AKR1C8: variants seen among roughly 807,000 people sequenced by gnomAD.
AKR1C8 encodes the protein aldo-keto reductase family 1 member C-like protein 1.
the AKR1C8 span, among the ~76,000 whole-genome samples, chr10:5,116,254 T>C: frequency 2.0e-5 from 3 of 152,010 alleles, no homozygotes; most frequent in African/African-American, 7.3e-5. Context: ...GACTTAAAGG[T>C]AGGAGGAACC....
chr10:5,165,248 T>A, the AKR1C8 span, among the ~76,000 whole-genome samples: 1 of 152,166 alleles, frequency 6.6e-6, no homozygotes, highest in Admixed American at 6.5e-5. Context: ...AACAGTTTCT[T>A]TATGAAGCAA....
chr10:5,127,302 G>T, the AKR1C8 span, among the ~76,000 whole-genome samples: 1 of 152,114 alleles, frequency 6.6e-6, no homozygotes, highest in African/African-American at 2.4e-5. Context: ...TTCTGGAAAT[G>T]AAAGGCACAT....
At chr10:5,182,713 C>G in the AKR1C8 span, among the ~76,000 whole-genome samples, 1 of 151,994 alleles carries the variant, frequency 6.6e-6, no homozygotes, top group African/African-American at 2.4e-5. Context: ...AGTTCGAGAC[C>G]AGCCTGGGCA....
chr10:5,117,130 C>CT, the AKR1C8 span, among the ~76,000 whole-genome samples: 80 of 148,402 alleles, frequency 5.4e-4, no homozygotes, highest in South Asian at 3.7e-3. Context: ...TGGCAGTGAG[C>CT]TTTTTTTTTT....
the AKR1C8 span, among the ~76,000 whole-genome samples, chr10:5,146,456 A>T: frequency 6.6e-6 from 1 of 152,294 alleles, no homozygotes; most frequent in East Asian, 1.9e-4. Context: ...TAACAGATCA[A>T]GCAATGTATC....
chr10:5,140,036 A>T, the AKR1C8 span, among the ~76,000 whole-genome samples: 1 of 152,222 alleles, frequency 6.6e-6, no homozygotes, highest in Non-Finnish European at 1.5e-5. Context: ...GCAAACAGAC[A>T]CATGAAAAAA....
At chr10:5,123,387 C>T in the AKR1C8 span, 1 of 331,024 alleles carries the variant, frequency 3.0e-6, no homozygotes, top group Non-Finnish European at 6.0e-6. Context: ...TGCATTTTTG[C>T]CATGACACAA....
chr10:5,146,630 TG>T, the AKR1C8 span, among the ~76,000 whole-genome samples: 4 of 152,274 alleles, frequency 2.6e-5, no homozygotes, highest in African/African-American at 9.6e-5. Context: ...ACTCTATATA[TG>T]ATACTTTTGA....
chr10:5,147,160 G>A, the AKR1C8 span, among the ~76,000 whole-genome samples: 3 of 152,178 alleles, frequency 2.0e-5, no homozygotes, highest in Non-Finnish European at 4.4e-5. Flanking sequence ...AATAGAAGGC[G>A]AGTAAGGTGC....
chr10:5,118,304 A>G, the AKR1C8 span, among the ~76,000 whole-genome samples: 1 of 152,170 alleles, frequency 6.6e-6, no homozygotes, highest in African/African-American at 2.4e-5. Flanking sequence ...ATTAAACTTA[A>G]AGTTTCAAGG....
At chr10:5,140,167 G>A in the AKR1C8 span, among the ~76,000 whole-genome samples, 1 of 152,136 alleles carries the variant, frequency 6.6e-6, no homozygotes, top group Non-Finnish European at 1.5e-5. Flanking sequence ...GAGAGGATGT[G>A]GAGAAATAGG....
chr10:5,161,523 T>C, the AKR1C8 span, among the ~76,000 whole-genome samples: 3 of 152,138 alleles, frequency 2.0e-5, no homozygotes, highest in Non-Finnish European at 4.4e-5. Context: ...TAACTCAACA[T>C]TCTTGAAGAT....
At chr10:5,126,743 C>G in the AKR1C8 span, among the ~76,000 whole-genome samples, 1 of 152,110 alleles carries the variant, frequency 6.6e-6, no homozygotes, top group Non-Finnish European at 1.5e-5. Context: ...CCATAGGAGA[C>G]AGTGAACTTG....
At chr10:5,183,012 T>C in the AKR1C8 span, among the ~76,000 whole-genome samples, 1 of 152,180 alleles carries the variant, frequency 6.6e-6, no homozygotes, top group Non-Finnish European at 1.5e-5. Flanking sequence ...CTATCATGAC[T>C]TGTTTTTGAC....
chr10:5,180,893 C>T, the AKR1C8 span, among the ~76,000 whole-genome samples: 1 of 152,222 alleles, frequency 6.6e-6, no homozygotes, highest in Admixed American at 6.5e-5. Context: ...GTCTGTCACC[C>T]TTTTCTTTGA....
chr10:5,123,313 G>T, the AKR1C8 span: 1 of 259,336 alleles, frequency 3.9e-6, no homozygotes, highest in South Asian at 7.2e-5. Flanking sequence ...TGGAGCTCTT[G>T]ACCAGGACCA....
the AKR1C8 span, among the ~76,000 whole-genome samples, chr10:5,178,057 TTTAA>T: frequency 1.3e-5 from 2 of 152,120 alleles, no homozygotes; most frequent in Non-Finnish European, 2.9e-5. Flanking sequence ...TTCTAGTTCT[TTTAA>T]TTGTGATGTT....
the AKR1C8 span, chr10:5,161,851 C>G: frequency 1.9e-6 from 1 of 534,664 alleles, no homozygotes. Flanking sequence ...AAAACAAAAG[C>G]TGACCTTCAT....
chr10:5,150,613 A>T, the AKR1C8 span, among the ~76,000 whole-genome samples: 1,606 of 152,226 alleles, frequency 0.011, 19 homozygotes, highest in African/African-American at 0.036. Context: ...AAAAAGACTA[A>T]ATGTGTAACT....
Sources: allele counts gnomAD v4.1 joint callset (sites outside exome capture counted in the v4.1 genomes callset), GRCh38; gene constraint gnomAD v4.1.1; transcripts MANE v1.5; gene names NCBI Gene and HGNC (gene_info 2026-07-23, HGNC 2026-07-21).